Variants in FCGR2B observed in about 807,000 individuals in gnomAD.
The protein encoded by FCGR2B is low affinity immunoglobulin gamma Fc region receptor II-b.
FCGR2B carries 18 observed loss-of-function variants against 24.8 expected under a neutral mutation model. That is an observed-to-expected ratio of 0.73 (90% CI 0.50 to 1.08). The LOEUF (loss-of-function observed/expected upper bound fraction) is 1.08, where lower values mean the gene tolerates loss of function less well. Ranked by LOEUF, FCGR2B falls within the 50% of genes least tolerant of loss-of-function variation. The pLI is 0.00. For missense variants in FCGR2B, 215 were observed against 297.6 expected (o/e 0.72, Z 2.04); for synonymous variants, 79 against 109.8 (o/e 0.72, Z 1.75).
intron 2 of FCGR2B, among the ~76,000 whole-genome samples, chr1:161,671,093 GGAGA>G (rs1214007502): frequency 6.6e-6 from 1 of 152,130 alleles, no homozygotes; most frequent in Non-Finnish European, 1.5e-5. Context: ...AGGTTGGTGG[GGAGA>G]GAGAGAAAGA....
rs1682274174 is a variant in FCGR2B at position 161,677,823 on chromosome 1, A to G, written c.*270A>G. 4.4e-6 allele frequency: 2 copies of G among 453,404 alleles called. No homozygotes were observed. Among genetic ancestry groups the G allele is most frequent in the East Asian group, 7.4e-5 (2 of 26,872 alleles). 28.1% of individuals were successfully genotyped at this position (453,404 alleles called of 1,614,324 possible). A position where few individuals can be genotyped will look rare whatever the true frequency, so the allele number is the denominator to read the frequency against. On this transcript the variant is annotated 3_prime_UTR_variant, in exon 8 of 8. Coordinates refer to ENST00000358671, the MANE Select transcript of FCGR2B (RefSeq NM_001394477.1). The stretch of plus-strand genomic sequence containing the variant: ...CACATCCACACAGCCAATCCAATTA[A>G]TCAAACCACTGTTATTAACAGATAA...
intron 4 of FCGR2B, chr1:161,673,567 C>A: frequency 2.8e-6 from 2 of 703,316 alleles, no homozygotes; most frequent in East Asian, 2.8e-5. Context: ...TTATTCTTCT[C>A]ATGGCTCATG....
the FCGR2B span, among the ~76,000 whole-genome samples, chr1:161,649,192 C>T: frequency 3.5e-4 from 53 of 150,742 alleles, no homozygotes; most frequent in African/African-American, 1.2e-3. Context: ...CAGATACAAC[C>T]GTAATATTAA....
At chr1:161,652,045 A>ACT in the FCGR2B span, among the ~76,000 whole-genome samples, 1 of 104,580 alleles carries the variant, frequency 9.6e-6, no homozygotes, top group Non-Finnish European at 2.2e-5. Flanking sequence ...TATGTTTAGG[A>ACT]GTGTGTGTGT....
At chr1:161,671,694 G>A (rs536669911) in intron 3 of FCGR2B, 45 bp downstream of exon 3, 164 of 1,608,720 alleles carry the variant, frequency 1.0e-4, no homozygotes, top group Middle Eastern at 3.3e-4. Context: ...GGGCCAGGAC[G>A]GATGAAATCT....
At chr1:161,675,809 G>A (rs529185583) in intron 6 of FCGR2B, 67 of 234,860 alleles carry the variant, frequency 2.9e-4, no homozygotes, top group Non-Finnish European at 4.4e-4. Flanking sequence ...TGGAACACTA[G>A]GAGGAGGTTT....
intron 4 of FCGR2B, 68 bp downstream of exon 4, chr1:161,673,297 G>C (rs1351206509): frequency 3.1e-6 from 5 of 1,600,986 alleles, no homozygotes; most frequent in Middle Eastern, 1.7e-4. Context: ...GGTCACATGG[G>C]CCTACATGGA....
chr1:161,675,891 G>A (rs1306219279), intron 6 of FCGR2B: 24 of 233,098 alleles, frequency 1.0e-4, no homozygotes, highest in Middle Eastern at 2.5e-3. Context: ...CAGTTCTGAT[G>A]CCCATGCACT....
Position 161,677,607 on chromosome 1 carries a change from G to T in FCGR2B, c.*54G>T. The T allele has an allele frequency of 7.2e-7, 1 of 1,388,924 alleles. No homozygotes were observed. The highest frequency in any genetic ancestry group is 1.2e-5 in the South Asian group (1 of 85,008). 86.0% of individuals were successfully genotyped at this position (1,388,924 alleles called of 1,614,324 possible). A position where few individuals can be genotyped will look rare whatever the true frequency, so the allele number is the denominator to read the frequency against. ...AAGAAAATCAGAGAGGGAAGATCTG[G>T]TATTTCCTGGCCTAAATTCCCCTTG... On this transcript the variant is annotated 3_prime_UTR_variant, in exon 8 of 8. Coordinates refer to ENST00000358671, the MANE Select transcript of FCGR2B (RefSeq NM_001394477.1).
At chr1:161,656,161 T>C in the FCGR2B span, among the ~76,000 whole-genome samples, 1 of 138,806 alleles carries the variant, frequency 7.2e-6, no homozygotes, top group Admixed American at 7.5e-5. Flanking sequence ...CCAGCCTCAA[T>C]TTTTAATTCT....
At chr1:161,649,460 T>C in the FCGR2B span, among the ~76,000 whole-genome samples, 15 of 151,214 alleles carry the variant, frequency 9.9e-5, 2 homozygotes, top group East Asian at 2.9e-3. Context: ...TGCTGTCATC[T>C]TCATTGTGAT....
the FCGR2B span, among the ~76,000 whole-genome samples, chr1:161,648,533 GTT>G: frequency 6.6e-6 from 1 of 150,618 alleles, no homozygotes; most frequent in African/African-American, 2.5e-5. Flanking sequence ...TGATGTTTCT[GTT>G]TAAGGCTTTT....
At chr1:161,676,499 A>G (rs1175596143) in intron 6 of FCGR2B, 2 of 175,270 alleles carry the variant, frequency 1.1e-5, no homozygotes, top group African/African-American at 4.7e-5. Flanking sequence ...TTGGGGCTGC[A>G]TAAATGGTTT....
At chr1:161,654,417 T>C in the FCGR2B span, among the ~76,000 whole-genome samples, 2 of 137,100 alleles carry the variant, frequency 1.5e-5, no homozygotes, top group African/African-American at 4.9e-5. Context: ...CCAGGTGTAA[T>C]GGGCTCTTTT....
In FCGR2B at chr1:161,673,235, C is replaced by A. The variant is rs2125684; in HGVS notation, c.646+6C>A. On this transcript the variant is annotated splice_donor_region_variant and intron_variant, in intron 4 of 7. Transcript: ENST00000358671. Reference sequence around the variant, plus strand: ...TGTGACCATCACTGTCCAAGGTATGCGGAGTCTGCCAAGATGTAAGGAGGG... The same window carrying A: ...TGTGACCATCACTGTCCAAGGTATGAGGAGTCTGCCAAGATGTAAGGAGGG... 0.066 allele frequency: 97,537 copies of A among 1,480,630 alleles called. 3,876 individuals carry two copies. The highest frequency in any genetic ancestry group is 0.14 in the African/African-American group (8,974 of 63,970). 91.7% of individuals were successfully genotyped at this position (1,480,630 alleles called of 1,614,324 possible).
the FCGR2B span, among the ~76,000 whole-genome samples, chr1:161,648,974 A>T: frequency 1.3e-5 from 2 of 151,068 alleles, no homozygotes; most frequent in African/African-American, 4.9e-5. Flanking sequence ...TTATTTGAGA[A>T]AATCTGTAAT....
intron 6 of FCGR2B, chr1:161,676,402 T>G (rs924847089): frequency 1.6e-5 from 3 of 183,778 alleles, no homozygotes; most frequent in African/African-American, 2.4e-5. Context: ...AAAAACAAAG[T>G]CCAAGCAACT....
Position 161,677,531 on chromosome 1 carries a change from C to G in FCGR2B, c.911C>G (p.Pro304Arg). The change falls in exon 8 of 8, where the codon CCT becomes CGT. Residue 304 changes from proline (P) to arginine (R), a missense_variant. By Grantham distance (103) the Pro-to-Arg change is moderately radical. Coordinates refer to ENST00000358671, the MANE Select transcript of FCGR2B (RefSeq NM_001394477.1). Reference sequence around the variant, plus strand: ...ATGCACCCGGATGCTCTGGAAGAGCCTGATGACCAGAACCGTATTTAGTCT... The same window carrying G: ...ATGCACCCGGATGCTCTGGAAGAGCGTGATGACCAGAACCGTATTTAGTCT... ...LLMHPDALEE[P>R]DDQNRI The G allele has an allele frequency of 6.2e-7, 1 of 1,613,214 alleles. No individual in the cohort carries two copies. Among genetic ancestry groups the G allele is most frequent in the Non-Finnish European group, 8.5e-7 (1 of 1,179,264 alleles).
chr1:161,661,250 GAAAGA>G (rs1557895226), upstream of FCGR2B, among the ~76,000 whole-genome samples: 3 of 51,988 alleles, frequency 5.8e-5, no homozygotes, highest in Non-Finnish European at 8.8e-5. Flanking sequence ...AAGAAAGAAA[GAAAGA>G]AAGAAAGGAA....
Sources: gnomAD v4.1 joint callset for allele counts (sites outside exome capture counted in the v4.1 genomes callset) on GRCh38, gnomAD v4.1.1 for gene constraint, MANE v1.5 for transcripts, NCBI Gene and HGNC (gene_info 2026-07-23, HGNC 2026-07-21) for gene names.